LDLRAD4: variants seen among roughly 807,000 people sequenced by gnomAD.
LDLRAD4 encodes low-density lipoprotein receptor class A domain-containing protein 4.
Under a neutral mutation model 17.0 loss-of-function variants are expected in LDLRAD4, and 5 were observed. The ratio of observed to expected loss-of-function variants is 0.29; its 90% CI spans 0.15 to 0.62. The LOEUF is 0.62. Among genes scored for constraint, LDLRAD4 ranks in the 20% least tolerant of loss-of-function variants. The pLI, the probability that LDLRAD4 is intolerant of heterozygous loss-of-function variation, is 0.84. For missense variants in LDLRAD4, 340 were observed against 424.7 expected, an observed-to-expected ratio of 0.80 and a Z score of 1.75; for synonymous variants, 168 against 171.8, an observed-to-expected ratio of 0.98 and a Z score of 0.17.
In LDLRAD4 at chr18:13,391,028, G is replaced by A. The variant is rs534532358; in HGVS notation, c.40+3266G>A. On this transcript the variant is annotated intron_variant, in intron 2 of 5. Transcript: ENST00000359446. ...TGAAGGTGTAGCTTTAGAAGGAGGC[G>A]CTCAGGAGTCCGGTGCCCAGCCCAC... is the stretch of plus-strand genomic sequence containing the variant. Among the ~76,000 whole-genome samples the A allele has an allele frequency of 1.6e-4, 24 of 152,330 alleles. No individual in the cohort carries two copies. In the South Asian group the frequency reaches 2.5e-3, roughly 16 times the overall value.
intron 3 of LDLRAD4, chr18:13,613,570 A>G (rs1247000816): frequency 2.0e-5 from 3 of 152,242 alleles, no homozygotes; most frequent in African/African-American, 7.2e-5. Flanking sequence ...CCTGTCAGTC[A>G]TCTTTGATCA....
At chr18:13,421,865 G>A (rs1450599670) in intron 2 of LDLRAD4, among the ~76,000 whole-genome samples, 1 of 152,216 alleles carries the variant, frequency 6.6e-6, no homozygotes, top group Non-Finnish European at 1.5e-5. Context: ...CGGGCCTGGG[G>A]CTGGGGTGGG....
chr18:13,611,825 C>T (rs1310055298), intron 3 of LDLRAD4: 11 of 985,462 alleles, frequency 1.1e-5, no homozygotes, highest in Non-Finnish European at 1.3e-5. Context: ...TTTCCTGCTG[C>T]GGTTAGGACC....
At chr18:13,402,035 C>T (rs2087264690) in intron 2 of LDLRAD4, among the ~76,000 whole-genome samples, 1 of 152,244 alleles carries the variant, frequency 6.6e-6, no homozygotes, top group East Asian at 1.9e-4. Flanking sequence ...CCAAATCGCT[C>T]TTTCATCTGC....
At chr18:13,230,997 C>T (rs2042042980) in intron 1 of LDLRAD4, among the ~76,000 whole-genome samples, 1 of 152,128 alleles carries the variant, frequency 6.6e-6, no homozygotes, top group Admixed American at 6.5e-5. Context: ...ATGCTCGGCG[C>T]AGGGGGACCC....
intron 1 of LDLRAD4, among the ~76,000 whole-genome samples, chr18:13,279,060 C>T (rs1412939526): frequency 6.6e-6 from 1 of 152,186 alleles, no homozygotes; most frequent in Non-Finnish European, 1.5e-5. Flanking sequence ...GAGCAAACCA[C>T]GCCTGGGTTC....
intron 1 of LDLRAD4, among the ~76,000 whole-genome samples, chr18:13,251,578 A>G (rs1366290813): frequency 6.6e-6 from 1 of 152,232 alleles, no homozygotes; most frequent in East Asian, 1.9e-4. Context: ...ATAGACAAAC[A>G]ACTAGGTGAA....
intron 4 of LDLRAD4, chr18:13,641,866 C>T: frequency 4.1e-6 from 4 of 985,476 alleles, no homozygotes; most frequent in Non-Finnish European, 4.8e-6. Context: ...ACTACGTTTT[C>T]AGGAACCGCT....
At chr18:13,434,926 T>G (rs2090558140) in intron 2 of LDLRAD4, among the ~76,000 whole-genome samples, 1 of 152,164 alleles carries the variant, frequency 6.6e-6, no homozygotes, top group Non-Finnish European at 1.5e-5. Context: ...GGCCAGAGGG[T>G]GCCAGAAAAC....
intron 3 of LDLRAD4, among the ~76,000 whole-genome samples, chr18:13,604,395 C>CG (rs2095199184): frequency 6.6e-6 from 1 of 152,164 alleles, no homozygotes; most frequent in African/African-American, 2.4e-5. Context: ...ACAACCTGGA[C>CG]CATCATGAGC....
chr18:13,329,140 C>T (rs1286746217), intron 1 of LDLRAD4, among the ~76,000 whole-genome samples: 2 of 152,068 alleles, frequency 1.3e-5, no homozygotes, highest in Non-Finnish European at 2.9e-5. Context: ...CATATTTTCC[C>T]GCATGTGAAA....
At chr18:13,263,263 A>C in intron 1 of LDLRAD4, among the ~76,000 whole-genome samples, 1 of 131,932 alleles carries the variant, frequency 7.6e-6, no homozygotes, top group Non-Finnish European at 1.6e-5. Flanking sequence ...TGGAAACCGA[A>C]TCCCATGCGG....
intron 3 of LDLRAD4, among the ~76,000 whole-genome samples, chr18:13,478,923 A>C (rs2093015292): frequency 6.6e-6 from 1 of 152,250 alleles, no homozygotes; most frequent in Non-Finnish European, 1.5e-5. Flanking sequence ...AAGAACAGAC[A>C]GATGGATCAG....
At chr18:13,583,702 T>C (rs2094897025) in intron 3 of LDLRAD4, among the ~76,000 whole-genome samples, 1 of 152,202 alleles carries the variant, frequency 6.6e-6, no homozygotes, top group Non-Finnish European at 1.5e-5. Flanking sequence ...CACTCTTTCA[T>C]TCACTGACAA....
intron 1 of LDLRAD4, among the ~76,000 whole-genome samples, chr18:13,250,010 G>A (rs1176728919): frequency 1.3e-5 from 2 of 152,122 alleles, no homozygotes; most frequent in African/African-American, 2.4e-5. Flanking sequence ...ACGTTCAGGG[G>A]TACATGTGCA....
intron 2 of LDLRAD4, among the ~76,000 whole-genome samples, chr18:13,432,499 G>C (rs1003171418): frequency 6.6e-6 from 1 of 152,198 alleles, no homozygotes; most frequent in Non-Finnish European, 1.5e-5. Flanking sequence ...TTAGAAGCAG[G>C]AGAGTGGCTG....
rs189796201 is a variant in LDLRAD4, at chr18:13,417,805, C to G, written c.41-20439C>G. On this transcript the variant is annotated intron_variant, in intron 2 of 5. Coordinates refer to ENST00000359446, the Ensembl canonical transcript of LDLRAD4. ...CTGGAGATGTCAGTATTCCTTTTTGCTCAATCAGTTTATTGTAGGTAAATG... is the reference window on the plus strand; with the variant it reads ...CTGGAGATGTCAGTATTCCTTTTTGGTCAATCAGTTTATTGTAGGTAAATG... Among the ~76,000 whole-genome samples the G allele has an allele frequency of 1.1e-3, 174 of 152,168 alleles. 2 individuals carry two copies. Among genetic ancestry groups the G allele is most frequent in the Non-Finnish European group, 1.8e-4 (12 of 68,000 alleles).
At chr18:13,293,417 C>A (rs1024270175) in intron 1 of LDLRAD4, among the ~76,000 whole-genome samples, 6 of 152,176 alleles carry the variant, frequency 3.9e-5, no homozygotes, top group African/African-American at 1.4e-4. Flanking sequence ...CACCTCTGAA[C>A]AGATACCGAA....
chr18:13,593,583 G>GTCCATCCA (rs993021725), intron 3 of LDLRAD4, among the ~76,000 whole-genome samples: 4 of 147,852 alleles, frequency 2.7e-5, no homozygotes, highest in African/African-American at 7.8e-5. Flanking sequence ...CCGTCCGTCC[G>GTCCATCCA]TCCATCCATC....
Sources: allele counts gnomAD v4.1 joint callset (sites outside exome capture counted in the v4.1 genomes callset), GRCh38; gene constraint gnomAD v4.1.1; transcripts MANE v1.5; gene names NCBI Gene and HGNC (gene_info 2026-07-23, HGNC 2026-07-21).